Variants in ACTR3B observed in about 807,000 individuals in gnomAD.
ACTR3B encodes the protein actin related protein 3B.
Under a neutral mutation model 59.0 loss-of-function variants are expected in ACTR3B, and 8 were observed. The observed-to-expected ratio is 0.14, with a 90% CI of 0.08 to 0.24. The LOEUF is 0.24. ACTR3B is among the 10% of genes least tolerant of loss of function. ACTR3B has a pLI of 1.00. For synonymous variants in ACTR3B, 148 were observed against 197.9 expected, an observed-to-expected ratio of 0.75 and a Z score of 2.12; for missense variants, 245 against 552.3, an observed-to-expected ratio of 0.44 and a Z score of 5.58.
At chr7:152,847,002 C>G (rs1453557317) in intron 9 of ACTR3B, among the ~76,000 whole-genome samples, 1 of 137,416 alleles carries the variant, frequency 7.3e-6, no homozygotes, top group Non-Finnish European at 1.6e-5. Flanking sequence ...CTGCAGTCTG[C>G]AGTGAGCTCT....
At chr7:152,851,669 C>A (rs554364508) in intron 9 of ACTR3B, among the ~76,000 whole-genome samples, 36 of 152,312 alleles carry the variant, frequency 2.4e-4, no homozygotes, top group African/African-American at 8.7e-4. Context: ...TGAGAATGTT[C>A]CTTCCGGTAA....
chr7:152,799,359 C>G (rs536442845), intron 2 of ACTR3B, among the ~76,000 whole-genome samples: 3 of 152,262 alleles, frequency 2.0e-5, no homozygotes, highest in African/African-American at 4.8e-5. Flanking sequence ...TCCTGTCTGT[C>G]TCTTAGAAGC....
chr7:152,804,076 C>T (rs895125564), intron 4 of ACTR3B, among the ~76,000 whole-genome samples: 2 of 152,098 alleles, frequency 1.3e-5, no homozygotes. Flanking sequence ...TTCTGATGGC[C>T]GTGCCCAGTC....
In ACTR3B at chr7:152,823,469, T is replaced by C. The variant is rs1304926071; in HGVS notation, c.812T>C (p.Val271Ala). ...AACCAGAAGAAGTTTGTTATAGACG[T>C]TGGTTACGAAAGATTCCTGGGACCT... is the stretch of plus-strand genomic sequence containing the variant. ...AINQKKFVID[V>A]GYERFLGPEI... The change falls in exon 8 of 12, where the codon GTT becomes GCT. Residue 271 changes from valine to alanine, a missense_variant. This residue lies in a region of ACTR3B where 153 missense variants were observed against 266.2 expected (regional missense o/e 0.57). Coordinates refer to ENST00000256001, the MANE Select transcript of ACTR3B (RefSeq NM_020445.6). 1.2e-6 allele frequency: 2 copies of C among 1,614,006 alleles called. No individual in the cohort carries two copies. The highest frequency in any genetic ancestry group is 2.2e-5 in the East Asian group (1 of 44,894).
intron 9 of ACTR3B, among the ~76,000 whole-genome samples, chr7:152,850,880 T>C (rs1798750491): frequency 6.6e-6 from 1 of 152,230 alleles, no homozygotes; most frequent in African/African-American, 2.4e-5. Context: ...GAGAGCTCTG[T>C]AGTTGCTCAG....
chr7:152,846,786 A>G (rs556741049), intron 9 of ACTR3B, among the ~76,000 whole-genome samples: 1,326 of 129,956 alleles, frequency 0.01, 9 homozygotes, highest in Non-Finnish European at 0.015. Flanking sequence ...TGTAGTCTGT[A>G]GTGAGCTCTA....
chr7:152,808,144 A>T (rs577088639), intron 4 of ACTR3B, among the ~76,000 whole-genome samples: 2 of 152,262 alleles, frequency 1.3e-5, no homozygotes, highest in Admixed American at 1.3e-4. Flanking sequence ...TCCTTTTGTG[A>T]CCAGCTTACT....
chr7:152,853,291 G>A (rs1798979047), intron 10 of ACTR3B, among the ~76,000 whole-genome samples: 1 of 152,056 alleles, frequency 6.6e-6, no homozygotes, highest in Non-Finnish European at 1.5e-5. Context: ...GTGTTCCTTT[G>A]AGCGCTGGGG....
chr7:152,850,965 T>C (rs562708268), intron 9 of ACTR3B, among the ~76,000 whole-genome samples: 7 of 152,302 alleles, frequency 4.6e-5, no homozygotes, highest in South Asian at 2.1e-4. Flanking sequence ...AGGATTAATT[T>C]CCTTATGTAG....
At chr7:152,835,660 G>C (rs928723976) in intron 9 of ACTR3B, among the ~76,000 whole-genome samples, 51 of 152,072 alleles carry the variant, frequency 3.4e-4, no homozygotes, top group Non-Finnish European at 6.3e-4. Context: ...GGGTGAAGTG[G>C]AATAAATGCC....
chr7:152,806,991 A>C (rs928426775), intron 4 of ACTR3B, among the ~76,000 whole-genome samples: 1 of 152,162 alleles, frequency 6.6e-6, no homozygotes, highest in Admixed American at 6.5e-5. Flanking sequence ...GGAGAGTGTC[A>C]CCCATGTTAG....
chr7:152,825,102 G>T lies in ACTR3B; in HGVS notation c.931G>T (p.Val311Leu). The T allele has an allele frequency of 2.5e-6, 4 of 1,613,784 alleles. No individual in the cohort carries two copies. Among genetic ancestry groups the T allele is most frequent in the Non-Finnish European group, 3.4e-6 (4 of 1,179,802 alleles). The change falls in exon 9 of 12, where the codon GTG (valine) becomes TTG (leucine). Residue 311 changes from valine (V) to leucine (L), a missense_variant. Val to Leu is a conservative substitution (Grantham distance 32). Coordinates refer to ENST00000256001, the MANE Select transcript of ACTR3B (RefSeq NM_020445.6). ...DEVIQNCPIDVRRPLYKNVVL... is the reference protein window; with the variant it reads ...DEVIQNCPIDLRRPLYKNVVL... ...AGTAATACAGAACTGCCCCATCGAT[G>T]TGCGGCGCCCGCTGTATAAGGTATG...
At chr7:152,774,240 G>T (rs397839679) in intron 1 of ACTR3B, among the ~76,000 whole-genome samples, 1 of 152,196 alleles carries the variant, frequency 6.6e-6, no homozygotes, top group Non-Finnish European at 1.5e-5. Context: ...GGGTTCAAGC[G>T]ATTCTGCTGT....
intron 2 of ACTR3B, among the ~76,000 whole-genome samples, chr7:152,792,091 C>G (rs565122036): frequency 6.6e-6 from 1 of 152,204 alleles, no homozygotes; most frequent in East Asian, 1.9e-4. Context: ...GGGTTTTCAC[C>G]ATGTTGGCCA....
chr7:152,800,509 G>C (rs1244931654), intron 2 of ACTR3B, 22 bp from the exon 3 acceptor site: 2 of 1,578,964 alleles, frequency 1.3e-6, no homozygotes, highest in Non-Finnish European at 1.7e-6. Flanking sequence ...ATAGAAATCT[G>C]TGTGTGTGTG....
At chr7:152,826,156 A>G (rs890836437) in intron 9 of ACTR3B, among the ~76,000 whole-genome samples, 3 of 152,254 alleles carry the variant, frequency 2.0e-5, no homozygotes, top group East Asian at 1.9e-4. Context: ...GCCGTGGAAT[A>G]CTATGTAGCT....
intron 9 of ACTR3B, among the ~76,000 whole-genome samples, chr7:152,828,669 G>T (rs1217727344): frequency 6.6e-6 from 1 of 152,208 alleles, no homozygotes; most frequent in Admixed American, 6.5e-5. Context: ...TGTCTTAGGG[G>T]TGTGCCTTTC....
chr7:152,807,848 G>T (rs1211082581), intron 4 of ACTR3B, among the ~76,000 whole-genome samples: 2 of 151,988 alleles, frequency 1.3e-5, no homozygotes, highest in Non-Finnish European at 2.9e-5. Context: ...TGATTTCTAT[G>T]AACTTTGTTT....
intron 9 of ACTR3B, among the ~76,000 whole-genome samples, chr7:152,827,309 C>T (rs541305040): frequency 4.6e-3 from 697 of 151,112 alleles, no homozygotes; most frequent in African/African-American, 0.016. Flanking sequence ...CAGGACCTCT[C>T]CAGTGTTATG....
Sources: allele counts gnomAD v4.1 joint callset (sites outside exome capture counted in the v4.1 genomes callset), GRCh38; gene constraint gnomAD v4.1.1; regional missense constraint gnomAD v4.1.1; transcripts MANE v1.5; gene names NCBI Gene and HGNC (gene_info 2026-07-23, HGNC 2026-07-21).